PLXDC2: variants seen among roughly 807,000 people sequenced by gnomAD.
PLXDC2 encodes the protein plexin domain-containing protein 2.
In PLXDC2, 40 loss-of-function variants were observed where a neutral mutation model predicts 68.9. That is an observed-to-expected ratio of 0.58 (90% CI 0.45 to 0.76). The LOEUF (loss-of-function observed/expected upper bound fraction) is 0.76. Ranked by LOEUF, PLXDC2 falls within the 30% of genes least tolerant of loss-of-function variation. The pLI is 0.00. For missense variants in PLXDC2, 644 were observed against 661.9 expected, an observed-to-expected ratio of 0.97 and a Z score of 0.30; for synonymous variants, 243 against 234.2, an observed-to-expected ratio of 1.04 and a Z score of -0.34.
At chr10:20,003,937 C>G (rs549704898) in intron 2 of PLXDC2, among the ~76,000 whole-genome samples, 1 of 152,270 alleles carries the variant, frequency 6.6e-6, no homozygotes, top group Non-Finnish European at 1.5e-5. Context: ...TCGTCACGTA[C>G]GGTCTGCTCA....
intron 4 of PLXDC2, among the ~76,000 whole-genome samples, chr10:20,095,801 A>G (rs1363935959): frequency 1.3e-5 from 2 of 152,256 alleles, no homozygotes; most frequent in South Asian, 2.1e-4. Context: ...TTGGAGAAGG[A>G]TGATGCTTAA....
At chr10:19,989,268 T>C (rs927836242) in intron 1 of PLXDC2, among the ~76,000 whole-genome samples, 2 of 152,224 alleles carry the variant, frequency 1.3e-5, no homozygotes, top group Non-Finnish European at 2.9e-5. Context: ...TATGCTATCA[T>C]GACCTGCTGG....
intron 3 of PLXDC2, among the ~76,000 whole-genome samples, chr10:20,065,768 T>A (rs1432311001): frequency 6.6e-6 from 1 of 152,136 alleles, no homozygotes; most frequent in Non-Finnish European, 1.5e-5. Context: ...CACGCTCCTA[T>A]GAGAATCTAA....
At chr10:20,253,451 A>G (rs1835705278) in intron 13 of PLXDC2, among the ~76,000 whole-genome samples, 1 of 151,586 alleles carries the variant, frequency 6.6e-6, no homozygotes, top group Non-Finnish European at 1.5e-5. Flanking sequence ...AGTGTGCCTA[A>G]ATTAGAAGTT....
intron 9 of PLXDC2, among the ~76,000 whole-genome samples, chr10:20,203,337 C>G (rs1278185598): frequency 1.3e-5 from 2 of 149,508 alleles, no homozygotes. Context: ...GTTGGCCAGG[C>G]TGGGGTGCAG....
chr10:20,244,236 G>C (rs900159948), intron 12 of PLXDC2, among the ~76,000 whole-genome samples: 1 of 152,188 alleles, frequency 6.6e-6, no homozygotes, highest in Admixed American at 6.5e-5. Context: ...AATTCAGGAA[G>C]ATCTCTAAAT....
intron 13 of PLXDC2, among the ~76,000 whole-genome samples, chr10:20,267,675 T>G (rs1835887882): frequency 6.6e-6 from 1 of 151,878 alleles, no homozygotes; most frequent in South Asian, 2.1e-4. Flanking sequence ...GTTATCCAAA[T>G]GAAAAGAAGA....
chr10:20,054,517 A>T (rs1354865690), intron 3 of PLXDC2, among the ~76,000 whole-genome samples: 1 of 151,980 alleles, frequency 6.6e-6, no homozygotes, highest in Non-Finnish European at 1.5e-5. Context: ...GTAGACAGAT[A>T]TATTAATAGA....
At chr10:20,182,034 G>T (rs1308305362) in intron 9 of PLXDC2, among the ~76,000 whole-genome samples, 1 of 150,904 alleles carries the variant, frequency 6.6e-6, no homozygotes, top group Non-Finnish European at 1.5e-5. Context: ...CAGGAGAGAT[G>T]AATGAATGCA....
chr10:19,817,244 C>A, intron 1 of PLXDC2, 53 bp downstream of exon 1: 1 of 1,410,930 alleles, frequency 7.1e-7, no homozygotes, highest in Non-Finnish European at 9.8e-7. Flanking sequence ...GAAGACCTCT[C>A]TGGCACTCTC....
intron 2 of PLXDC2, among the ~76,000 whole-genome samples, chr10:20,040,428 A>T (rs779607893): frequency 2.0e-5 from 3 of 152,144 alleles, no homozygotes; most frequent in Non-Finnish European, 4.4e-5. Context: ...ACCCTTGAAG[A>T]AGCACAAAGC....
At chr10:20,159,723 G>C (rs554029556) in intron 6 of PLXDC2, among the ~76,000 whole-genome samples, 1 of 152,220 alleles carries the variant, frequency 6.6e-6, no homozygotes, top group African/African-American at 2.4e-5. Context: ...TGACACACTT[G>C]TTTACTACTT....
At chr10:19,834,904 G>A (rs1419974790) in intron 1 of PLXDC2, among the ~76,000 whole-genome samples, 1 of 152,142 alleles carries the variant, frequency 6.6e-6, no homozygotes, top group African/African-American at 2.4e-5. Context: ...GAGAGAGAGT[G>A]GGTGCATTCA....
At chr10:20,169,536 G>A (rs1024302968) in intron 7 of PLXDC2, among the ~76,000 whole-genome samples, 4 of 152,120 alleles carry the variant, frequency 2.6e-5, no homozygotes, top group South Asian at 2.1e-4. Context: ...ATACACGCAC[G>A]ATTCTCACTA....
intron 1 of PLXDC2, among the ~76,000 whole-genome samples, chr10:19,925,855 G>A (rs1209599489): frequency 6.6e-6 from 1 of 152,198 alleles, no homozygotes; most frequent in Non-Finnish European, 1.5e-5. Context: ...TTTCCACACA[G>A]TAATCTGAGA....
intron 1 of PLXDC2, among the ~76,000 whole-genome samples, chr10:19,959,178 C>T (rs987096720): frequency 6.6e-6 from 1 of 152,130 alleles, no homozygotes; most frequent in Non-Finnish European, 1.5e-5. Context: ...TCATCCCTTC[C>T]ATAAAAATCC....
intron 1 of PLXDC2, among the ~76,000 whole-genome samples, chr10:19,933,810 G>C (rs1255943151): frequency 8.5e-6 from 1 of 118,274 alleles, no homozygotes; most frequent in African/African-American, 3.2e-5. Context: ...AGGAGGGAGG[G>C]AAAAAAGGAA....
chr10:19,852,619 A>C, intron 1 of PLXDC2, among the ~76,000 whole-genome samples: 1 of 152,124 alleles, frequency 6.6e-6, no homozygotes, highest in African/African-American at 2.4e-5. Context: ...ATATTCCACA[A>C]AGTTTGTTGA....
At chr10:20,238,389 G>A (rs935902397) in intron 12 of PLXDC2, among the ~76,000 whole-genome samples, 12 of 150,550 alleles carry the variant, frequency 8.0e-5, no homozygotes, top group African/African-American at 1.5e-4. Context: ...GCTCACACCC[G>A]TAATTCCAGC....
Sources: allele counts gnomAD v4.1 joint callset (sites outside exome capture counted in the v4.1 genomes callset), GRCh38; gene constraint gnomAD v4.1.1; transcripts MANE v1.5; gene names NCBI Gene and HGNC (gene_info 2026-07-23, HGNC 2026-07-21).